The following KDM4C variants were observed in gnomAD, a reference collection of about 807,000 sequenced individuals.
The protein encoded by KDM4C is lysine demethylase 4C, also known as lysine-specific demethylase 4C.
KDM4C carries 81 observed loss-of-function variants against 129.3 expected under a neutral mutation model. That is an observed-to-expected ratio of 0.63 (90% CI 0.52 to 0.75). The LOEUF (loss-of-function observed/expected upper bound fraction) is 0.75. KDM4C is among the 30% of genes least tolerant of loss of function. The pLI, the probability that KDM4C is intolerant of heterozygous loss-of-function variation, is 0.00. For synonymous variants in KDM4C, 573 were observed against 456.1 expected (o/e 1.26, Z -3.26); for missense variants, 1,457 against 1,304.0 (o/e 1.12, Z -1.81).
chr9:7,118,315 CG>C (rs1280269455), intron 18 of KDM4C, among the ~76,000 whole-genome samples: 1 of 152,086 alleles, frequency 6.6e-6, no homozygotes, highest in Non-Finnish European at 1.5e-5. Context: ...ATACTTGTGA[CG>C]TTTTGATGAG....
At chr9:6,922,592 C>A (rs1408618734) in intron 8 of KDM4C, among the ~76,000 whole-genome samples, 1 of 152,188 alleles carries the variant, frequency 6.6e-6, no homozygotes, top group African/African-American at 2.4e-5. Context: ...ACCAAAAATA[C>A]AAAAATTAGT....
intron 5 of KDM4C, among the ~76,000 whole-genome samples, chr9:6,867,574 C>T (rs1206270716): frequency 6.6e-6 from 1 of 152,152 alleles, no homozygotes; most frequent in Admixed American, 6.5e-5. Context: ...TTCTTGTGTT[C>T]TTACATTTTA....
At chr9:6,948,028 TC>T (rs1827291671) in intron 8 of KDM4C, 1 of 152,230 alleles carries the variant, frequency 6.6e-6, no homozygotes, top group Non-Finnish European at 1.5e-5. Flanking sequence ...CCTGTTTTTT[TC>T]TAGGTGAGAT....
intron 8 of KDM4C, among the ~76,000 whole-genome samples, chr9:6,924,549 C>T (rs1414081440): frequency 1.3e-5 from 2 of 152,140 alleles, no homozygotes; most frequent in Non-Finnish European, 2.9e-5. Flanking sequence ...TTATTGACAC[C>T]TCAGTTGTTA....
chr9:7,170,067 C>A, intron 21 of KDM4C, 177 bp downstream of exon 21: 1 of 1,503,484 alleles, frequency 6.7e-7, no homozygotes, highest in Non-Finnish European at 9.0e-7. Flanking sequence ...CAACCAAAAT[C>A]GGGGAAATTA....
At position 6,891,086 on chromosome 9, in the gene KDM4C, A is replaced by G. The variant is rs187809225; in HGVS notation, c.784-2009A>G. 1.2e-4 allele frequency among the ~76,000 whole-genome samples: 19 copies of G among 152,320 alleles called. No individual in the cohort carries two copies. The East Asian group carries it at 1.9e-3, about 15-fold the overall frequency. Reference sequence around the variant, plus strand: ...TTAGCATCCATAACATGGCAAAGCTAATCAGTGGTGAAAGGTATCAGAAGA... The same window carrying G: ...TTAGCATCCATAACATGGCAAAGCTGATCAGTGGTGAAAGGTATCAGAAGA... On this transcript the variant is annotated intron_variant, in intron 7 of 21. Coordinates refer to ENST00000381309, the MANE Select transcript of KDM4C (RefSeq NM_015061.6).
intron 4 of KDM4C, 160 bp downstream of exon 4, chr9:6,814,905 G>C: frequency 2.3e-5 from 10 of 429,632 alleles, no homozygotes; most frequent in Middle Eastern, 5.9e-4. Context: ...TCTGCTGCTG[G>C]TATTTTTCAA....
intron 1 of KDM4C, among the ~76,000 whole-genome samples, chr9:6,776,882 G>A (rs1307360581): frequency 2.6e-5 from 4 of 152,154 alleles, no homozygotes; most frequent in Admixed American, 6.5e-5. Context: ...GATTACAGGC[G>A]TGAGCCCGCG....
At chr9:6,986,224 TGCATGC>T (rs1817670989) in intron 10 of KDM4C, 114 bp from the exon 11 acceptor site, 9 of 676,736 alleles carry the variant, frequency 1.3e-5, no homozygotes, top group Non-Finnish European at 2.0e-5. Flanking sequence ...TGCATGTATG[TGCATGC>T]GCATGCGTGT....
At chr9:6,906,225 G>C (rs1406070989) in intron 8 of KDM4C, among the ~76,000 whole-genome samples, 3 of 152,046 alleles carry the variant, frequency 2.0e-5, no homozygotes, top group Non-Finnish European at 2.9e-5. Flanking sequence ...TTTGCTTTCT[G>C]GAACTGATGG....
At chr9:7,038,162 C>G (rs943248526) in intron 15 of KDM4C, among the ~76,000 whole-genome samples, 1 of 152,010 alleles carries the variant, frequency 6.6e-6, no homozygotes, top group African/African-American at 2.4e-5. Flanking sequence ...TACCCACAGT[C>G]ACATTAATTT....
intron 17 of KDM4C, 49 bp from the exon 18 acceptor site, chr9:7,103,636 C>A: frequency 4.8e-6 from 6 of 1,237,144 alleles, no homozygotes; most frequent in Non-Finnish European, 5.8e-6. Flanking sequence ...TGGGAACTGA[C>A]TGGGTTACAG....
At chr9:7,109,518 A>G (rs1838079175) in intron 18 of KDM4C, among the ~76,000 whole-genome samples, 1 of 152,192 alleles carries the variant, frequency 6.6e-6, no homozygotes, top group African/African-American at 2.4e-5. Context: ...ATTACATTTC[A>G]GCATATACGC....
At chr9:7,151,510 T>C (rs186882988) in intron 19 of KDM4C, among the ~76,000 whole-genome samples, 2 of 152,192 alleles carry the variant, frequency 1.3e-5, no homozygotes, top group East Asian at 3.9e-4. Flanking sequence ...ACCTCATCTC[T>C]ACTTTTAAAA....
chr9:7,101,291 C>G (rs1452089212), intron 17 of KDM4C, among the ~76,000 whole-genome samples: 1 of 152,126 alleles, frequency 6.6e-6, no homozygotes, highest in Non-Finnish European at 1.5e-5. Flanking sequence ...CATTCTGTAG[C>G]CCAGGTATCT....
intron 8 of KDM4C, among the ~76,000 whole-genome samples, chr9:6,932,459 C>T (rs941367094): frequency 1.3e-5 from 2 of 152,114 alleles, no homozygotes; most frequent in African/African-American, 2.4e-5. Context: ...GTTGAAAAAC[C>T]ATACATTTGG....
At chr9:6,888,781 G>GTTTT (rs779606475) in intron 7 of KDM4C, among the ~76,000 whole-genome samples, 16 of 115,046 alleles carry the variant, frequency 1.4e-4, no homozygotes, top group Admixed American at 3.1e-4. Context: ...CTTCTTCTGT[G>GTTTT]TTTTTTTTTT....
intron 8 of KDM4C, among the ~76,000 whole-genome samples, chr9:6,919,594 G>A (rs1446559514): frequency 2.8e-5 from 4 of 141,044 alleles, no homozygotes. Flanking sequence ...TATCTATCTA[G>A]GATGGAGTTT....
chr9:7,014,410 A>T (rs890285235), intron 14 of KDM4C: 1 of 159,602 alleles, frequency 6.3e-6, no homozygotes, highest in African/African-American at 2.4e-5. Flanking sequence ...TGTTCTGAGA[A>T]TTGTTGTACT....
Sources: gnomAD v4.1 joint callset for allele counts (sites outside exome capture counted in the v4.1 genomes callset) on GRCh38, gnomAD v4.1.1 for gene constraint, MANE v1.5 for transcripts, NCBI Gene and HGNC (gene_info 2026-07-23, HGNC 2026-07-21) for gene names.